DACH1: variants seen among roughly 807,000 people sequenced by gnomAD.
DACH1 encodes the protein dachshund family transcription factor 1, also known as dachshund homolog 1.
Under a neutral mutation model 54.2 loss-of-function variants are expected in DACH1, and 12 were observed. That is an observed-to-expected ratio of 0.22 (90% CI 0.14 to 0.36). DACH1 has a LOEUF of 0.36. Among genes scored for constraint, DACH1 ranks in the 10% least tolerant of loss-of-function variants. The pLI is 1.00. For synonymous variants in DACH1, 386 were observed against 366.2 expected (o/e 1.05, Z -0.62); for missense variants, 805 against 929.8 (o/e 0.87, Z 1.75).
chr13:71,459,957 G>A (rs948746201), intron 10 of DACH1, among the ~76,000 whole-genome samples: 1 of 151,790 alleles, frequency 6.6e-6, no homozygotes, highest in Admixed American at 6.6e-5. Context: ...TGCATTTTTT[G>A]TGTTTTATAA....
chr13:71,738,080 T>C (rs1884218377), intron 1 of DACH1, among the ~76,000 whole-genome samples: 1 of 152,192 alleles, frequency 6.6e-6, no homozygotes. Flanking sequence ...TGCACGGAAG[T>C]AATCATTCAA....
intron 1 of DACH1, among the ~76,000 whole-genome samples, chr13:71,796,479 T>C (rs781511475): frequency 2.4e-4 from 36 of 152,126 alleles, no homozygotes; most frequent in Non-Finnish European, 5.9e-5. Flanking sequence ...TTTTCAGTAT[T>C]AGTAATTCCC....
intron 1 of DACH1, among the ~76,000 whole-genome samples, chr13:71,764,265 C>T (rs534469743): frequency 8.5e-5 from 13 of 152,156 alleles, no homozygotes; most frequent in South Asian, 2.1e-4. Flanking sequence ...CCGGGTGTGA[C>T]GGCATGTTCC....
At chr13:71,638,849 A>G (rs1877691312) in intron 2 of DACH1, among the ~76,000 whole-genome samples, 2 of 152,168 alleles carry the variant, frequency 1.3e-5, no homozygotes, top group African/African-American at 2.4e-5. Context: ...AATGCCTTAC[A>G]TAGTCATTCA....
intron 1 of DACH1, among the ~76,000 whole-genome samples, chr13:71,692,467 T>C (rs1456555751): frequency 1.3e-5 from 2 of 151,312 alleles, no homozygotes; most frequent in African/African-American, 4.9e-5. Context: ...CCTGTGTTAT[T>C]TCTTTCTTTC....
chr13:71,810,833 C>G (rs990906960), intron 1 of DACH1, among the ~76,000 whole-genome samples: 1 of 152,102 alleles, frequency 6.6e-6, no homozygotes, highest in African/African-American at 2.4e-5. Context: ...TGATACAGTA[C>G]ATTTTATGAT....
intron 1 of DACH1, among the ~76,000 whole-genome samples, chr13:71,858,950 T>G (rs572151611): frequency 1.1e-4 from 17 of 151,666 alleles, no homozygotes; most frequent in Admixed American, 7.2e-4. Flanking sequence ...TCTCTCAGTA[T>G]CAATCACTAC....
At chr13:71,854,258 T>C (rs925752113) in intron 1 of DACH1, among the ~76,000 whole-genome samples, 5 of 152,084 alleles carry the variant, frequency 3.3e-5, no homozygotes, top group Non-Finnish European at 7.4e-5. Context: ...TAGATGTTTA[T>C]AGGTAAATTT....
intron 2 of DACH1, among the ~76,000 whole-genome samples, chr13:71,637,302 C>T (rs1877559924): frequency 6.6e-6 from 1 of 152,136 alleles, no homozygotes; most frequent in African/African-American, 2.4e-5. Context: ...AGCCTGGGCA[C>T]ACATCAAGCC....
In DACH1 at chr13:71,850,179, T is replaced by G. The variant is rs186987448; in HGVS notation, c.848+15743A>C. Among the ~76,000 whole-genome samples, 251 of 152,334 alleles carry G rather than the reference T, an allele frequency of 1.6e-3. 3 individuals carry two copies. The highest frequency in any genetic ancestry group is 4.1e-4 in the South Asian group (2 of 4,828). ...CAAAACTTCCTTCCTCTTGTTAAAGTCTGTCTCCCAGTCAGGATACCCTAA... is the reference window on the plus strand; with the variant it reads ...CAAAACTTCCTTCCTCTTGTTAAAGGCTGTCTCCCAGTCAGGATACCCTAA... On this transcript the variant is annotated intron_variant, in intron 1 of 10. Transcript: ENST00000613252.
At chr13:71,714,750 C>A (rs1166777980) in intron 1 of DACH1, among the ~76,000 whole-genome samples, 1 of 151,944 alleles carries the variant, frequency 6.6e-6, no homozygotes, top group African/African-American at 2.4e-5. Flanking sequence ...TTTAAAGAAA[C>A]CTATCAATGT....
chr13:71,529,187 T>TTTTTTGTTTTTTTTTTTTTTTTTTG lies in DACH1; in HGVS notation c.1570+27836_1570+27837insCAAAAAAAAAAAAAAAAAACAAAAA, dbSNP rs1882232559. Among the ~76,000 whole-genome samples the TTTTTTGTTTTTTTTTTTTTTTTTTG allele has an allele frequency of 3.4e-5, 5 of 144,960 alleles. 1 individual carries two copies. The highest frequency in any genetic ancestry group is 1.3e-4 in the African/African-American group (5 of 38,556). ...TCAAACAATATTGTGATTTGGGTTTTTTTTTTTTTTTTTTTTTGAGGCAGA... is the reference window on the plus strand; with the variant it reads ...TCAAACAATATTGTGATTTGGGTTTTTTTTTGTTTTTTTTTTTTTTTTTTGTTTTTTTTTTTTTTTTTGAGGCAGA... On this transcript the variant is annotated intron_variant, in intron 6 of 10. Transcript: ENST00000613252.
intron 1 of DACH1, among the ~76,000 whole-genome samples, chr13:71,791,920 A>G (rs303948): frequency 0.23 from 34,572 of 152,082 alleles, 6,100 homozygotes; most frequent in East Asian, 0.85. Context: ...AGCTCTAGCT[A>G]GCAACCTCTC....
chr13:71,582,167 T>A (rs1158928371), intron 3 of DACH1, among the ~76,000 whole-genome samples: 6 of 152,150 alleles, frequency 3.9e-5, no homozygotes, highest in Admixed American at 1.3e-4. Flanking sequence ...AATGTTTTAA[T>A]CCTGAAGAGC....
In DACH1 at chr13:71,489,057, T is replaced by C. The variant is rs748019510; in HGVS notation, c.1662A>G (p.Pro554=). 3.7e-6 allele frequency: 6 copies of C among 1,613,728 alleles called. No individual in the cohort carries two copies. The highest frequency in any genetic ancestry group is 1.1e-5 in the South Asian group (1 of 91,052). Residue 554 remains proline, a synonymous_variant, in exon 7 of 11, where the codon CCA becomes CCG. Coordinates refer to ENST00000613252, the MANE Select transcript of DACH1 (RefSeq NM_080759.6). ...GHGQPLPPGF[P]SPFLFPDGLS... ...GTCCATCAGGAAACAGAAAAGGAGA[T>C]GGAAAACCTGGAGGCAGTGGTTGTC...
chr13:71,585,585 G>A (rs1024651584), intron 3 of DACH1, among the ~76,000 whole-genome samples: 2 of 152,144 alleles, frequency 1.3e-5, no homozygotes, highest in Admixed American at 6.5e-5. Context: ...TACATAAACG[G>A]TGCGTCTGGA....
At chr13:71,761,672 T>C (rs908066424) in intron 1 of DACH1, among the ~76,000 whole-genome samples, 2 of 152,070 alleles carry the variant, frequency 1.3e-5, no homozygotes, top group African/African-American at 4.8e-5. Context: ...TTTGATCCAG[T>C]AGGTCTGGAA....
intron 1 of DACH1, among the ~76,000 whole-genome samples, chr13:71,799,896 G>GTGTCTTATATGTGTGTACAC (rs1357435871): frequency 6.6e-6 from 1 of 152,100 alleles, no homozygotes; most frequent in Non-Finnish European, 1.5e-5. Context: ...GATTGTTCAT[G>GTGTCTTATATGTGTGTACAC]TGTCTTATAT....
chr13:71,502,775 G>A (rs2138236761), intron 6 of DACH1, among the ~76,000 whole-genome samples: 1 of 152,292 alleles, frequency 6.6e-6, no homozygotes, highest in Admixed American at 6.5e-5. Context: ...ACCTTGTGTA[G>A]GTTTCCAAAT....
Sources: gnomAD v4.1 joint callset for allele counts (sites outside exome capture counted in the v4.1 genomes callset) on GRCh38, gnomAD v4.1.1 for gene constraint, MANE v1.5 for transcripts, NCBI Gene and HGNC (gene_info 2026-07-23, HGNC 2026-07-21) for gene names.